Variants in ST6GAL2 observed in about 807,000 individuals in gnomAD.
ST6GAL2 encodes ST6 beta-galactoside alpha-2,6-sialyltransferase 2.
In ST6GAL2, 24 loss-of-function variants were observed where a neutral mutation model predicts 37.5. The ratio of observed to expected loss-of-function variants is 0.64; its 90% CI spans 0.46 to 0.90. The LOEUF (loss-of-function observed/expected upper bound fraction) is 0.90, where lower values mean the gene tolerates loss of function less well. Among genes scored for constraint, ST6GAL2 ranks in the 40% least tolerant of loss-of-function variants. ST6GAL2 has a pLI of 0.00. For synonymous variants in ST6GAL2, 306 were observed against 295.1 expected (o/e 1.04, Z -0.38); for missense variants, 715 against 712.7 (o/e 1.00, Z -0.04).
At chr2:106,851,151 G>A (rs1677343335) in intron 1 of ST6GAL2, among the ~76,000 whole-genome samples, 1 of 152,226 alleles carries the variant, frequency 6.6e-6, no homozygotes, top group South Asian at 2.1e-4. Context: ...TGAATTCCCA[G>A]TGGATGTTCT....
rs1403385353 is a variant in ST6GAL2, at chr2:106,804,319, C to T, written c.*2359G>A. 6.6e-6 allele frequency: 1 copy of T among 152,168 alleles called. No individual in the cohort carries two copies. The highest frequency in any genetic ancestry group is 1.5e-5 in the Non-Finnish European group (1 of 68,036). The allele number at this position is 152,168 out of a possible 1,614,324, so 9.4% of individuals were successfully genotyped here. ...TTCTCCTCTAACCAAGTTCTCATGT[C>T]AGCCAAGGGGGATTATGCTGGATAG... On this transcript the variant is annotated 3_prime_UTR_variant, in exon 6 of 6. Transcript: ENST00000409382.
chr2:106,831,549 GC>G (rs960148402), intron 4 of ST6GAL2, among the ~76,000 whole-genome samples: 2 of 152,132 alleles, frequency 1.3e-5, no homozygotes, highest in Non-Finnish European at 2.9e-5. Flanking sequence ...GAATCAAAGA[GC>G]CCTCTCAAAA....
intron 1 of ST6GAL2, among the ~76,000 whole-genome samples, chr2:106,879,915 A>G (rs1035305639): frequency 6.7e-6 from 1 of 148,184 alleles, no homozygotes; most frequent in South Asian, 2.1e-4. Context: ...ATATACTATT[A>G]TACTTACAGA....
chr2:106,818,428 G>C (rs1675885721), intron 5 of ST6GAL2, among the ~76,000 whole-genome samples: 1 of 152,146 alleles, frequency 6.6e-6, no homozygotes, highest in Non-Finnish European at 1.5e-5. Flanking sequence ...TCTCTGACTG[G>C]CAATCCAGAG....
chr2:106,879,180 C>CA (rs962174103), intron 1 of ST6GAL2, among the ~76,000 whole-genome samples: 3 of 151,772 alleles, frequency 2.0e-5, no homozygotes, highest in Admixed American at 1.3e-4. Context: ...AAATGCCAAA[C>CA]AAAAAAAATT....
chr2:106,865,293 AG>A, intron 1 of ST6GAL2, among the ~76,000 whole-genome samples: 1 of 152,324 alleles, frequency 6.6e-6, no homozygotes, highest in East Asian at 1.9e-4. Context: ...TGCCCTTAGA[AG>A]GGTACTAATT....
intron 2 of ST6GAL2, among the ~76,000 whole-genome samples, chr2:106,840,964 A>T (rs1676856391): frequency 6.6e-6 from 1 of 152,138 alleles, no homozygotes; most frequent in African/African-American, 2.4e-5. Context: ...CTGTGGTGTT[A>T]TTTCACCCCG....
At position 106,834,105 on chromosome 2, in the gene ST6GAL2, G is replaced by T. The variant is rs774493419; in HGVS notation, c.985C>A (p.Arg329Ser). The T allele has an allele frequency of 5.0e-6, 8 of 1,613,764 alleles. No individual in the cohort carries two copies. The South Asian group carries it at 8.8e-5, about 18-fold the overall frequency. Residue 329 changes from arginine to serine, a missense_variant, in exon 3 of 6, where the codon CGT becomes AGT. Physicochemically the swap from Arg to Ser is moderately radical, Grantham distance 110 (BLOSUM62 -1). Coordinates refer to ENST00000409382, the MANE Select transcript of ST6GAL2 (RefSeq NM_001142351.2). The part of the protein sequence containing the change: ...AVLRFNSAPT[R>S]GYEKDVGNKT... ...TTCCCAACATCTTTCTCATAACCAC[G>T]TGTAGGAGCAGAGTTAAATCTCAAA... is the stretch of plus-strand genomic sequence containing the variant.
At chr2:106,832,734 G>T in intron 3 of ST6GAL2, 68 bp from the exon 4 acceptor site, 1 of 1,038,488 alleles carries the variant, frequency 9.6e-7, no homozygotes, top group Non-Finnish European at 1.5e-6. Context: ...TTTAAAAAGA[G>T]GTGAAAATTA....
At chr2:106,820,662 A>G (rs1158247747) in intron 5 of ST6GAL2, among the ~76,000 whole-genome samples, 1 of 152,138 alleles carries the variant, frequency 6.6e-6, no homozygotes, top group East Asian at 1.9e-4. Flanking sequence ...ATTTCATCCA[A>G]TGGCTGCAGA....
intron 2 of ST6GAL2, 116 bp downstream of exon 2, chr2:106,842,919 G>C (rs924851133): frequency 3.1e-6 from 2 of 642,354 alleles, no homozygotes; most frequent in African/African-American, 3.9e-5. Flanking sequence ...AGGAACACCT[G>C]GTGCGGAGAC....
At chr2:106,810,781 C>T (rs182129056) in intron 5 of ST6GAL2, among the ~76,000 whole-genome samples, 7 of 152,208 alleles carry the variant, frequency 4.6e-5, no homozygotes, top group Non-Finnish European at 8.8e-5. Flanking sequence ...GAAACCCCGT[C>T]TCTACAAAAA....
In ST6GAL2 at chr2:106,849,376, A is replaced by G. The variant is rs570521562; in HGVS notation, c.-57-5342T>C. 2.6e-5 allele frequency among the ~76,000 whole-genome samples: 4 copies of G among 152,278 alleles called. No homozygotes were observed. The East Asian group carries it at 7.7e-4, about 29-fold the overall frequency. On this transcript the variant is annotated intron_variant, in intron 1 of 5. Coordinates refer to ENST00000409382, the MANE Select transcript of ST6GAL2 (RefSeq NM_001142351.2). Reference sequence around the variant, plus strand: ...TATGTGGACACAACTGACCAGGATTAATATTAACATAGACATCATAAGCTG... The same window carrying G: ...TATGTGGACACAACTGACCAGGATTGATATTAACATAGACATCATAAGCTG...
intron 4 of ST6GAL2, 73 bp downstream of exon 4, chr2:106,832,492 C>T (rs560421301): frequency 8.9e-6 from 7 of 785,256 alleles, no homozygotes; most frequent in African/African-American, 5.3e-5. Flanking sequence ...TTAATCCTTG[C>T]CTTGCTCTTA....
rs1313384342 is a variant in ST6GAL2, at chr2:106,806,861, G to A, written c.1407C>T (p.His469=). 7 of 1,614,184 alleles carry A rather than the reference G, an allele frequency of 4.3e-6. No homozygotes were observed. The highest frequency in any genetic ancestry group is 2.2e-5 in the South Asian group (2 of 91,074). Residue 469 remains histidine, a synonymous_variant, in exon 6 of 6, where the codon CAC becomes CAT. Transcript: ENST00000409382. ...TGCAGGCTGCGTCGTAGTACAGCTC[G>A]TGGTAGTGGCACAGCTCCGTCTGCC... The part of the protein sequence containing the change: ...SVRQTELCHY[H]ELYYDAACTL...
At chr2:106,855,367 T>G (rs2104562486) in intron 1 of ST6GAL2, among the ~76,000 whole-genome samples, 1 of 152,330 alleles carries the variant, frequency 6.6e-6, no homozygotes, top group Admixed American at 6.5e-5. Flanking sequence ...CTTAAAAAGA[T>G]AAAGCAAAGC....
At chr2:106,847,118 T>C (rs1013982242) in intron 1 of ST6GAL2, among the ~76,000 whole-genome samples, 15 of 152,234 alleles carry the variant, frequency 9.9e-5, no homozygotes, top group African/African-American at 3.6e-4. Flanking sequence ...GGGTAATTTT[T>C]CCCCCAAATT....
chr2:106,881,295 C>A (rs1678741779), intron 1 of ST6GAL2, among the ~76,000 whole-genome samples: 1 of 152,198 alleles, frequency 6.6e-6, no homozygotes, highest in Non-Finnish European at 1.5e-5. Flanking sequence ...ACAGAGATTT[C>A]TAATGGGGTA....
At chr2:106,811,065 T>C (rs559743072) in intron 5 of ST6GAL2, among the ~76,000 whole-genome samples, 1 of 152,048 alleles carries the variant, frequency 6.6e-6, no homozygotes, top group Non-Finnish European at 1.5e-5. Context: ...CATTTTAACT[T>C]TTTTTTTCAG....
Sources: allele counts gnomAD v4.1 joint callset (sites outside exome capture counted in the v4.1 genomes callset), GRCh38; gene constraint gnomAD v4.1.1; transcripts MANE v1.5; gene names NCBI Gene and HGNC (gene_info 2026-07-23, HGNC 2026-07-21).